The following BCAT1 variants were observed in gnomAD, a reference collection of about 807,000 sequenced individuals.
BCAT1 encodes the protein branched chain amino acid transaminase 1, also known as branched-chain-amino-acid aminotransferase, cytosolic.
A neutral mutation model predicts 52.4 loss-of-function variants in BCAT1; 48 were observed. The observed-to-expected ratio is 0.92, with a 90% CI of 0.73 to 1.16. The LOEUF (loss-of-function observed/expected upper bound fraction) is 1.16. BCAT1 is among the 50% of genes most tolerant of loss of function. BCAT1 has a pLI of 0.00. For missense variants in BCAT1, 451 were observed against 457.1 expected, an observed-to-expected ratio of 0.99 and a Z score of 0.12; for synonymous variants, 167 against 161.3, an observed-to-expected ratio of 1.04 and a Z score of -0.27.
At chr12:24,943,794 C>T (rs922102696) in intron 1 of BCAT1, among the ~76,000 whole-genome samples, 7 of 151,846 alleles carry the variant, frequency 4.6e-5, no homozygotes, top group South Asian at 4.2e-4. Context: ...ACCTTCCTGG[C>T]TAACATGGTG....
chr12:24,938,032 A>C (rs1347548711), intron 1 of BCAT1, among the ~76,000 whole-genome samples: 1 of 152,214 alleles, frequency 6.6e-6, no homozygotes, highest in African/African-American at 2.4e-5. Context: ...GGCCATCCAC[A>C]TGCACCTTAA....
intron 4 of BCAT1, among the ~76,000 whole-genome samples, chr12:24,880,000 A>G (rs545899514): frequency 7.9e-5 from 12 of 152,210 alleles, no homozygotes; most frequent in Non-Finnish European, 1.6e-4. Context: ...GAGCGAAACT[A>G]TGCCCTAGTC....
chr12:24,908,887 G>C (rs953210266), intron 1 of BCAT1, among the ~76,000 whole-genome samples: 2 of 152,076 alleles, frequency 1.3e-5, no homozygotes, highest in Admixed American at 1.3e-4. Context: ...ATGACTTTTG[G>C]CAAATTACTA....
chr12:24,944,209 C>T (rs1355542503), intron 1 of BCAT1, among the ~76,000 whole-genome samples: 1 of 152,178 alleles, frequency 6.6e-6, no homozygotes, highest in Non-Finnish European at 1.5e-5. Flanking sequence ...TTTAACTCTA[C>T]CTTTTATCTT....
At chr12:24,828,360 G>A (rs146215707) in intron 10 of BCAT1, among the ~76,000 whole-genome samples, 18 of 152,190 alleles carry the variant, frequency 1.2e-4, no homozygotes, top group African/African-American at 4.1e-4. Flanking sequence ...TTAACTGCCT[G>A]ATGAGGCATT....
chr12:24,825,558 T>G (rs1211912755), intron 10 of BCAT1, among the ~76,000 whole-genome samples: 1 of 152,178 alleles, frequency 6.6e-6, no homozygotes, highest in Non-Finnish European at 1.5e-5. Context: ...ATTAGTGATG[T>G]TGCGCATTTT....
At chr12:24,925,639 A>G (rs986577346) in intron 1 of BCAT1, among the ~76,000 whole-genome samples, 7 of 151,454 alleles carry the variant, frequency 4.6e-5, no homozygotes, top group Admixed American at 2.0e-4. Flanking sequence ...TCTGATGCCA[A>G]GCCGAAGCTG....
intron 1 of BCAT1, among the ~76,000 whole-genome samples, chr12:24,910,601 A>C (rs1222585152): frequency 6.6e-6 from 1 of 152,184 alleles, no homozygotes; most frequent in African/African-American, 2.4e-5. Flanking sequence ...TAATCCTTTA[A>C]AATATCTTTC....
intron 1 of BCAT1, chr12:24,902,845 A>T: frequency 6.9e-7 from 1 of 1,444,112 alleles, no homozygotes; most frequent in Non-Finnish European, 9.2e-7. Context: ...GCGAAGGAGG[A>T]TGGTGCAGGA....
chr12:24,883,444 C>CTTTT (rs1255919310), intron 3 of BCAT1, among the ~76,000 whole-genome samples: 3 of 151,892 alleles, frequency 2.0e-5, no homozygotes, highest in Non-Finnish European at 2.9e-5. Flanking sequence ...CTTCCCAACA[C>CTTTT]TAAAAATAGG....
intron 3 of BCAT1, 30 bp downstream of exon 3, chr12:24,894,245 T>C: frequency 6.2e-7 from 1 of 1,604,130 alleles, no homozygotes; most frequent in Non-Finnish European, 8.5e-7. Flanking sequence ...AGTGCAAGCA[T>C]GTCACTCTCT....
intron 5 of BCAT1, among the ~76,000 whole-genome samples, chr12:24,877,522 G>C (rs189053387): frequency 4.6e-5 from 7 of 152,236 alleles, no homozygotes; most frequent in African/African-American, 1.4e-4. Flanking sequence ...AAATCATAAG[G>C]TCATGTTATT....
At chr12:24,902,249 T>C in intron 1 of BCAT1, 1 of 1,341,552 alleles carries the variant, frequency 7.5e-7, no homozygotes, top group Admixed American at 3.5e-5. Flanking sequence ...TTAAGCCATT[T>C]ATAGAAAAAT....
intron 1 of BCAT1, among the ~76,000 whole-genome samples, chr12:24,924,309 A>G (rs550225775): frequency 3.7e-4 from 56 of 152,396 alleles, no homozygotes; most frequent in Non-Finnish European, 6.2e-4. Flanking sequence ...TAATTAGATC[A>G]GTTAATGCTA....
At chr12:24,848,326 T>G (rs1179006774) in intron 6 of BCAT1, among the ~76,000 whole-genome samples, 1 of 152,228 alleles carries the variant, frequency 6.6e-6, no homozygotes, top group Non-Finnish European at 1.5e-5. Flanking sequence ...ATTATCATCT[T>G]GCATTAGTGT....
intron 3 of BCAT1, among the ~76,000 whole-genome samples, chr12:24,887,275 G>A (rs1205297357): frequency 6.6e-6 from 1 of 151,096 alleles, no homozygotes; most frequent in Non-Finnish European, 1.5e-5. Context: ...AACTGGGATG[G>A]GAACAGATAT....
At chr12:24,857,661 A>G (rs1460541689) in intron 5 of BCAT1, among the ~76,000 whole-genome samples, 1 of 152,224 alleles carries the variant, frequency 6.6e-6, no homozygotes, top group East Asian at 1.9e-4. Context: ...CTGAGGGAGC[A>G]CCACAGGCTC....
intron 5 of BCAT1, among the ~76,000 whole-genome samples, chr12:24,862,821 T>TAA (rs10714031): frequency 2.2e-4 from 32 of 147,342 alleles, no homozygotes; most frequent in African/African-American, 6.4e-4. Flanking sequence ...TTTTCATTTG[T>TAA]AAAAAAAAAA....
intron 1 of BCAT1, among the ~76,000 whole-genome samples, chr12:24,906,692 G>A (rs1454236256): frequency 1.3e-5 from 2 of 152,180 alleles, no homozygotes; most frequent in African/African-American, 4.8e-5. Context: ...ACGGGACAGA[G>A]CAAATGTGGT....
Sources: gnomAD v4.1 joint callset for allele counts (sites outside exome capture counted in the v4.1 genomes callset) on GRCh38, gnomAD v4.1.1 for gene constraint, MANE v1.5 for transcripts, NCBI Gene and HGNC (gene_info 2026-07-23, HGNC 2026-07-21) for gene names.